PAXIP1: variants seen among roughly 807,000 people sequenced by gnomAD.
PAXIP1 encodes the protein PAX-interacting protein 1.
In PAXIP1, 19 loss-of-function variants were observed where a neutral mutation model predicts 140.6. The ratio of observed to expected loss-of-function variants is 0.14; its 90% CI spans 0.09 to 0.20. PAXIP1 has a LOEUF of 0.20. Ranked by LOEUF, PAXIP1 falls within the 10% of genes least tolerant of loss-of-function variation. PAXIP1 has a pLI of 1.00. For missense variants in PAXIP1, 920 were observed against 1,208.6 expected, an observed-to-expected ratio of 0.76 and a Z score of 3.54; for synonymous variants, 442 against 444.6, an observed-to-expected ratio of 0.99 and a Z score of 0.07.
chr7:154,991,052 G>A lies in PAXIP1; in HGVS notation c.278C>T (p.Pro93Leu). The change falls in exon 4 of 21, where the codon CCA becomes CTA. Residue 93 changes from proline to leucine, a missense_variant. This residue lies in a region of PAXIP1 where 419 missense variants were observed against 514.7 expected (regional missense o/e 0.81). Coordinates refer to ENST00000404141, the MANE Select transcript of PAXIP1 (RefSeq NM_007349.4). ...GTLLPVNGFS[P>L]ESCQIFFGIT... The stretch of plus-strand genomic sequence containing the variant: ...TCCAAAAAAAATCTGACATGATTCT[G>A]GAGAAAAACCATTTACTCTGTTTTA... The A allele has an allele frequency of 6.5e-7, 1 of 1,536,706 alleles. No homozygotes were observed. The highest frequency in any genetic ancestry group is 8.8e-7 in the Non-Finnish European group (1 of 1,134,896).
chr7:154,944,202 CA>C, intron 20 of PAXIP1, 38 bp from the exon 21 acceptor site: 1 of 1,580,072 alleles, frequency 6.3e-7, no homozygotes, highest in South Asian at 1.1e-5. Flanking sequence ...AAACACAAGG[CA>C]AAAGAAAAAC....
chr7:154,993,696 CCCT>C, intron 3 of PAXIP1, 27 bp downstream of exon 3: 1 of 1,549,978 alleles, frequency 6.5e-7, no homozygotes, highest in Non-Finnish European at 8.8e-7. Flanking sequence ...GTTACCCTTT[CCCT>C]CCTCCCCCAC....
In PAXIP1 at chr7:154,986,285, T is replaced by A; in HGVS notation, c.325-2953A>T. 1.5e-6 allele frequency: 1 copy of A among 657,846 alleles called. No individual in the cohort carries two copies. Among genetic ancestry groups the A allele is most frequent in the Non-Finnish European group, 2.2e-6 (1 of 447,796 alleles). The allele number at this position is 657,846 out of a possible 1,614,324, so 40.8% of individuals were successfully genotyped here. On this transcript the variant is annotated intron_variant, in intron 4 of 20. Coordinates refer to ENST00000404141, the MANE Select transcript of PAXIP1 (RefSeq NM_007349.4). The surrounding 1 kb of genome is among the most constrained non-coding windows in gnomAD (Gnocchi z 4.8). ...GCATGTGAGTGTGTGTGCGCATGGG[T>A]GCTCCAGTGTGCAGAAAAGGTGCAG...
At position 154,991,029 on chromosome 7, in the gene PAXIP1, C is replaced by T; in HGVS notation, c.301G>A (p.Gly101Arg). The change falls in exon 4 of 21, where the codon GGA becomes AGA. Residue 101 changes from glycine (G) to arginine (R), a missense_variant. Gly to Arg is a moderately radical substitution (Grantham distance 125). Coordinates refer to ENST00000404141, the MANE Select transcript of PAXIP1 (RefSeq NM_007349.4). ...ACCTGAGAAAGGCAGGCAGTGATTC[C>T]AAAAAAAATCTGACATGATTCTGGA... ...FSPESCQIFF[G>R]ITACLSQVSS... 2 of 1,543,626 alleles carry T rather than the reference C, an allele frequency of 1.3e-6. No homozygotes were observed. The highest frequency in any genetic ancestry group is 8.8e-7 in the Non-Finnish European group (1 of 1,140,640).
chr7:154,993,210 G>A (rs1454990761), intron 3 of PAXIP1, among the ~76,000 whole-genome samples: 1 of 152,108 alleles, frequency 6.6e-6, no homozygotes, highest in South Asian at 2.1e-4. Flanking sequence ...CTCCATGAAC[G>A]AACAATGCAA....
chr7:154,970,739 T>C (rs1809269271), intron 6 of PAXIP1, among the ~76,000 whole-genome samples: 1 of 152,210 alleles, frequency 6.6e-6, no homozygotes, highest in Non-Finnish European at 1.5e-5. Flanking sequence ...CCATGAGCCC[T>C]ACACGGCAAA....
At chr7:154,992,288 C>T (rs1271666769) in intron 3 of PAXIP1, among the ~76,000 whole-genome samples, 1 of 152,176 alleles carries the variant, frequency 6.6e-6, no homozygotes, top group Non-Finnish European at 1.5e-5. Context: ...GTGGCTCATG[C>T]CTGTAATCCC....
intron 8 of PAXIP1, chr7:154,967,354 T>G (rs1471723782): frequency 6.5e-6 from 1 of 153,142 alleles, no homozygotes; most frequent in Non-Finnish European, 1.5e-5. Flanking sequence ...ATTTCTTTTC[T>G]TTAAAGGCCA....
rs1811002389 is a variant in PAXIP1, at chr7:155,002,967, GCCCCGCCCACC to G, written c.-49_-39del. On this transcript the variant is annotated 5_prime_UTR_variant, in exon 1 of 21. Coordinates refer to ENST00000404141, the MANE Select transcript of PAXIP1 (RefSeq NM_007349.4). ...CCGGGAGGCTCCGCGGCGGCGCCCG[GCCCCGCCCACC>G]CCCCGCCCCCGGCCCCCGCGGCGCC... 1 of 976,212 alleles carries G rather than the reference GCCCCGCCCACC, an allele frequency of 1.0e-6. No individual in the cohort carries two copies. Among genetic ancestry groups the G allele is most frequent in the Non-Finnish European group, 1.3e-6 (1 of 794,266 alleles). 60.5% of individuals were successfully genotyped at this position (976,212 alleles called of 1,614,324 possible). A position where few individuals can be genotyped will look rare whatever the true frequency, so the allele number is the denominator to read the frequency against.
At chr7:154,988,427 C>A (rs975397389) in intron 4 of PAXIP1, among the ~76,000 whole-genome samples, 5 of 152,086 alleles carry the variant, frequency 3.3e-5, no homozygotes, top group Admixed American at 2.0e-4. Context: ...TACACTATAA[C>A]CTAATTTATT....
rs1256859855 is a variant in PAXIP1 at position 154,998,775 on chromosome 7, G to A, written c.91C>T (p.Leu31Phe). 1.5e-5 allele frequency: 24 copies of A among 1,610,706 alleles called. No individual in the cohort carries two copies. Among genetic ancestry groups the A allele is most frequent in the Non-Finnish European group, 1.9e-5 (22 of 1,178,224 alleles). ...VGDIDPQVIQ[L>F]LKAGKAKEVS... is the part of the protein sequence containing the mutation. ...TCCTTCGCTTTTCCAGCCTTGAGAA[G>A]CTGAATAACCTAAAAAACAAGAAAA... Residue 31 changes from leucine (L) to phenylalanine (F), a missense_variant, in exon 2 of 21, where the codon CTT becomes TTT. Leu to Phe is a conservative substitution (Grantham distance 22). Coordinates refer to ENST00000404141, the MANE Select transcript of PAXIP1 (RefSeq NM_007349.4).
chr7:154,998,541 T>TAAAAC (rs1042753531), intron 2 of PAXIP1, 109 bp downstream of exon 2: 2 of 586,214 alleles, frequency 3.4e-6, no homozygotes, highest in Non-Finnish European at 2.7e-6. Flanking sequence ...AAAAATAAAA[T>TAAAAC]AAAACAGGAC....
Position 154,968,555 on chromosome 7 carries a change from A to T in PAXIP1, c.1646T>A (p.Met549Lys). ...RMHQQQQQQQMQSQTAPHLSQ... is the reference protein window; with the variant it reads ...RMHQQQQQQQKQSQTAPHLSQ... ...CAAGTGTGGCGCTGTCTGACTTTGC[A>T]TCTGCTGCTGCTGCTGCTGCTGGTG... The change falls in exon 7 of 21, where the codon ATG becomes AAG. Residue 549 changes from methionine (M) to lysine (K), a missense_variant. Physicochemically the swap from Met to Lys is moderately conservative, Grantham distance 95 (BLOSUM62 -1). Transcript: ENST00000404141. 1.4e-6 allele frequency: 1 copy of T among 730,566 alleles called. No homozygotes were observed. The highest frequency in any genetic ancestry group is 2.5e-6 in the Non-Finnish European group (1 of 397,748). 45.3% of individuals were successfully genotyped at this position (730,566 alleles called of 1,614,324 possible).
chr7:154,990,959 G>C (rs1053710988), intron 4 of PAXIP1, 47 bp downstream of exon 4: 1 of 1,148,622 alleles, frequency 8.7e-7, no homozygotes, highest in Non-Finnish European at 1.2e-6. Flanking sequence ...CAAAAACTCA[G>C]AAGTGTCACA....
chr7:154,974,466 ACTTT>A (rs1809475948), intron 6 of PAXIP1: 1 of 152,176 alleles, frequency 6.6e-6, no homozygotes, highest in Non-Finnish European at 1.5e-5. Flanking sequence ...AATTTCATTA[ACTTT>A]CTTTTCTTAG....
chr7:154,974,919 T>G (rs948028267), intron 6 of PAXIP1, among the ~76,000 whole-genome samples: 8 of 148,592 alleles, frequency 5.4e-5, no homozygotes, highest in Non-Finnish European at 8.9e-5. Flanking sequence ...CCGAGGTGGG[T>G]GGATCACTAG....
intron 6 of PAXIP1, among the ~76,000 whole-genome samples, chr7:154,969,771 C>A (rs1809211548): frequency 6.6e-6 from 1 of 152,172 alleles, no homozygotes; most frequent in African/African-American, 2.4e-5. Context: ...TGTGCACTGG[C>A]ATGCTATGGA....
At chr7:154,955,791 T>C (rs1256094789) in intron 14 of PAXIP1, among the ~76,000 whole-genome samples, 160 bp from the exon 15 acceptor site, 1 of 152,242 alleles carries the variant, frequency 6.6e-6, no homozygotes, top group African/African-American at 2.4e-5. Context: ...CCTTCCTTTC[T>C]TTCCACCATT....
At chr7:154,988,291 A>ACAC (rs1810165341) in intron 4 of PAXIP1, among the ~76,000 whole-genome samples, 1 of 152,054 alleles carries the variant, frequency 6.6e-6, no homozygotes, top group Non-Finnish European at 1.5e-5. Flanking sequence ...AGGGCCACTC[A>ACAC]CACCTTACAT....
Sources: allele counts gnomAD v4.1 joint callset (sites outside exome capture counted in the v4.1 genomes callset), GRCh38; gene constraint gnomAD v4.1.1; regional missense constraint gnomAD v4.1.1; non-coding constraint Gnocchi (gnomAD v3.1); transcripts MANE v1.5; gene names NCBI Gene and HGNC (gene_info 2026-07-23, HGNC 2026-07-21).